SHISA6: variants seen among roughly 807,000 people sequenced by gnomAD.
SHISA6 encodes shisa family member 6.
In SHISA6, 22 loss-of-function variants were observed where a neutral mutation model predicts 47.9. The ratio of observed to expected loss-of-function variants is 0.46; its 90% CI spans 0.33 to 0.66. The LOEUF is 0.66. Among genes scored for constraint, SHISA6 ranks in the 30% least tolerant of loss-of-function variants. SHISA6 has a pLI of 0.02. For missense variants in SHISA6, 680 were observed against 764.6 expected, an observed-to-expected ratio of 0.89 and a Z score of 1.30; for synonymous variants, 388 against 337.8, an observed-to-expected ratio of 1.15 and a Z score of -1.63.
At chr17:11,351,692 C>A (rs1567581712) in intron 2 of SHISA6, among the ~76,000 whole-genome samples, 1 of 152,216 alleles carries the variant, frequency 6.6e-6, no homozygotes. Context: ...CTTTTCTGCA[C>A]CTTCATCCTC....
chr17:11,496,804 G>T (rs2071413341), intron 3 of SHISA6, among the ~76,000 whole-genome samples: 1 of 152,026 alleles, frequency 6.6e-6, no homozygotes, highest in Non-Finnish European at 1.5e-5. Flanking sequence ...AATGAGAAGT[G>T]GTGGGCACTG....
chr17:11,243,371 A>G (rs1246462320), intron 1 of SHISA6, among the ~76,000 whole-genome samples: 1 of 151,838 alleles, frequency 6.6e-6, no homozygotes, highest in Non-Finnish European at 1.5e-5. Flanking sequence ...TATTGAGTCA[A>G]ATCCACAAAG....
chr17:11,271,822 G>A (rs1164328177), intron 2 of SHISA6, among the ~76,000 whole-genome samples: 2 of 151,774 alleles, frequency 1.3e-5, no homozygotes, highest in Non-Finnish European at 2.9e-5. Context: ...CTGTGCCTGG[G>A]ACCCCATCTG....
At chr17:11,477,343 T>C (rs1156465785) in intron 3 of SHISA6, among the ~76,000 whole-genome samples, 3 of 152,178 alleles carry the variant, frequency 2.0e-5, no homozygotes, top group Non-Finnish European at 4.4e-5. Context: ...GTTTCCATTT[T>C]CTTTCTGTCT....
chr17:11,305,119 G>A (rs9894431), intron 2 of SHISA6, among the ~76,000 whole-genome samples: 56,466 of 151,980 alleles, frequency 0.37, 11,551 homozygotes, highest in Non-Finnish European at 0.47. Flanking sequence ...CTGGTGGTGT[G>A]CCCTTGGGCG....
At chr17:11,274,271 A>G (rs1541461) in intron 2 of SHISA6, among the ~76,000 whole-genome samples, 148,287 of 152,310 alleles carry the variant, frequency 0.97, 72,265 homozygotes, top group East Asian at 1. Flanking sequence ...TCACCCCTAC[A>G]CCCAGGGAGC....
chr17:11,273,990 C>T (rs1908781316), intron 2 of SHISA6, among the ~76,000 whole-genome samples: 1 of 152,216 alleles, frequency 6.6e-6, no homozygotes, highest in Non-Finnish European at 1.5e-5. Flanking sequence ...TGGCTTTTCT[C>T]AGCATAGGAT....
rs1188864205 is a variant in SHISA6, at chr17:11,541,373, A to C, written c.896-10523A>C. On this transcript the variant is annotated intron_variant, in intron 3 of 5. Transcript: ENST00000441885. Reference sequence around the variant, plus strand: ...TCAGTGACTGGTTTCATGTGAGCACAAGGTGGTCTTCATATGGAATCATGT... The same window carrying C: ...TCAGTGACTGGTTTCATGTGAGCACCAGGTGGTCTTCATATGGAATCATGT... Among the ~76,000 whole-genome samples, 5 of 152,226 alleles carry C rather than the reference A, an allele frequency of 3.3e-5. No individual in the cohort carries two copies. In the East Asian group the frequency reaches 9.6e-4, roughly 29 times the overall value.
At chr17:11,277,774 C>T (rs2142158557) in intron 2 of SHISA6, among the ~76,000 whole-genome samples, 1 of 152,208 alleles carries the variant, frequency 6.6e-6, no homozygotes, top group Admixed American at 6.5e-5. Flanking sequence ...TAAGCACGTG[C>T]CTTCCATGTC....
intron 2 of SHISA6, among the ~76,000 whole-genome samples, chr17:11,340,003 G>A (rs1411716449): frequency 6.6e-6 from 1 of 152,174 alleles, no homozygotes; most frequent in East Asian, 1.9e-4. Context: ...CTTGTTAAAA[G>A]CTAATTACCA....
intron 2 of SHISA6, among the ~76,000 whole-genome samples, chr17:11,308,245 A>C (rs2142183855): frequency 6.6e-6 from 1 of 152,356 alleles, no homozygotes; most frequent in South Asian, 2.1e-4. Context: ...CTGTTCAGGA[A>C]GATGGCCATG....
At chr17:11,403,202 G>A (rs1042246073) in intron 3 of SHISA6, among the ~76,000 whole-genome samples, 5 of 152,146 alleles carry the variant, frequency 3.3e-5, no homozygotes, top group African/African-American at 9.7e-5. Flanking sequence ...AAATGTACAT[G>A]ATTAGAATCA....
At chr17:11,304,404 A>G (rs556533377) in intron 2 of SHISA6, among the ~76,000 whole-genome samples, 2 of 151,554 alleles carry the variant, frequency 1.3e-5, no homozygotes, top group African/African-American at 4.8e-5. Flanking sequence ...CAGTCAAAAG[A>G]TGACGGCCCC....
chr17:11,387,441 G>C (rs546362936), intron 3 of SHISA6, among the ~76,000 whole-genome samples: 1 of 152,124 alleles, frequency 6.6e-6, no homozygotes, highest in Admixed American at 6.5e-5. Flanking sequence ...CAAACCCACC[G>C]ATCTGAGGAG....
At chr17:11,353,669 C>G (rs7209352) in intron 2 of SHISA6, among the ~76,000 whole-genome samples, 4,637 of 152,154 alleles carry the variant, frequency 0.03, 197 homozygotes, top group African/African-American at 0.091. Context: ...CTCGCATCAT[C>G]ATGGATGTGT....
At chr17:11,245,369 G>A (rs1217513747) in intron 1 of SHISA6, among the ~76,000 whole-genome samples, 1 of 152,174 alleles carries the variant, frequency 6.6e-6, no homozygotes, top group African/African-American at 2.4e-5. Flanking sequence ...TCAAGCTGCA[G>A]CCATCCACAG....
At chr17:11,542,195 T>A (rs915915904) in intron 3 of SHISA6, among the ~76,000 whole-genome samples, 1 of 152,082 alleles carries the variant, frequency 6.6e-6, no homozygotes. Context: ...CAAAACAGAC[T>A]CAGCAGATTT....
chr17:11,348,969 A>G (rs1597469508), intron 2 of SHISA6, among the ~76,000 whole-genome samples: 1 of 152,296 alleles, frequency 6.6e-6, no homozygotes, highest in East Asian at 1.9e-4. Context: ...TGCTTTCACT[A>G]GTGGGGGAAA....
At chr17:11,462,684 A>G (rs1052210221) in intron 3 of SHISA6, among the ~76,000 whole-genome samples, 2 of 151,708 alleles carry the variant, frequency 1.3e-5, no homozygotes, top group African/African-American at 4.8e-5. Context: ...CCAGAGTGCA[A>G]TGGCACGATC....
Sources: gnomAD v4.1 joint callset for allele counts (sites outside exome capture counted in the v4.1 genomes callset) on GRCh38, gnomAD v4.1.1 for gene constraint, MANE v1.5 for transcripts, NCBI Gene and HGNC (gene_info 2026-07-23, HGNC 2026-07-21) for gene names.